The following LDLRAD4 variants were observed in gnomAD, a reference collection of about 807,000 sequenced individuals.
LDLRAD4 encodes low-density lipoprotein receptor class A domain-containing protein 4.
In LDLRAD4, 5 loss-of-function variants were observed where a neutral mutation model predicts 17.0. That is an observed-to-expected ratio of 0.29 (90% CI 0.15 to 0.62). The LOEUF (loss-of-function observed/expected upper bound fraction) is 0.62. Ranked by LOEUF, LDLRAD4 falls within the 20% of genes least tolerant of loss-of-function variation. The pLI is 0.84. For synonymous variants in LDLRAD4, 168 were observed against 171.8 expected (o/e 0.98, Z 0.17); for missense variants, 340 against 424.7 (o/e 0.80, Z 1.75).
chr18:13,300,952 C>T lies in LDLRAD4; in HGVS notation c.-383+22764C>T, dbSNP rs536225003. ...CTGTGAGGGCTGATCTTCCAGTGCC[C>T]GAGTCCCCGCTGTGAGCGCCCTGAG... On this transcript the variant is annotated intron_variant, in intron 1 of 5. Transcript: ENST00000359446. The surrounding 1 kb of genome is among the most constrained non-coding windows in gnomAD (Gnocchi z 4.2). Among the ~76,000 whole-genome samples the T allele has an allele frequency of 2.0e-5, 3 of 152,342 alleles. No homozygotes were observed. Among genetic ancestry groups the T allele is most frequent in the East Asian group, 3.9e-4 (2 of 5,160 alleles).
intron 1 of LDLRAD4, among the ~76,000 whole-genome samples, chr18:13,222,386 A>T (rs1242340591): frequency 5.3e-5 from 8 of 150,532 alleles, no homozygotes; most frequent in Admixed American, 5.3e-4. Flanking sequence ...TTTTTTAAGG[A>T]TGCTTTATTG....
At chr18:13,339,762 TTTC>T (rs1176779913) in intron 1 of LDLRAD4, among the ~76,000 whole-genome samples, 12 of 152,340 alleles carry the variant, frequency 7.9e-5, no homozygotes, top group African/African-American at 2.6e-4. Context: ...TTGTTAATGT[TTTC>T]TTCTTATTGT....
At chr18:13,274,267 C>A (rs115560604), upstream of LDLRAD4, among the ~76,000 whole-genome samples, 366 of 152,220 alleles carry the variant, frequency 2.4e-3, 2 homozygotes, top group African/African-American at 8.3e-3. Flanking sequence ...GGGAGGAGGC[C>A]TGGATGGGGC....
chr18:13,241,994 C>T (rs896127710), intron 1 of LDLRAD4: 2 of 152,378 alleles, frequency 1.3e-5, no homozygotes, highest in East Asian at 1.9e-4. Context: ...GGCCAGTGTC[C>T]GTCGGGGTGT....
At chr18:13,507,430 A>G (rs1294106506) in intron 3 of LDLRAD4, among the ~76,000 whole-genome samples, 2 of 152,296 alleles carry the variant, frequency 1.3e-5, no homozygotes, top group Middle Eastern at 3.4e-3. Context: ...TTAGTTTTTC[A>G]TTCCTGAGAT....
intron 3 of LDLRAD4, among the ~76,000 whole-genome samples, chr18:13,577,193 A>G (rs2094786736): frequency 6.6e-6 from 1 of 152,218 alleles, no homozygotes; most frequent in Non-Finnish European, 1.5e-5. Flanking sequence ...CATAATGGGA[A>G]AGTCAACTCC....
chr18:13,448,649 C>A (rs988889815), intron 3 of LDLRAD4, among the ~76,000 whole-genome samples: 1 of 150,182 alleles, frequency 6.7e-6, no homozygotes, highest in Non-Finnish European at 1.5e-5. Context: ...GATTGGGGGG[C>A]GGAGGCTGGG....
chr18:13,282,091 A>G (rs2045317651), intron 1 of LDLRAD4, among the ~76,000 whole-genome samples: 3 of 152,290 alleles, frequency 2.0e-5, no homozygotes, highest in Middle Eastern at 3.4e-3. Context: ...CTTATTCACT[A>G]TCATGAGAAT....
intron 3 of LDLRAD4, among the ~76,000 whole-genome samples, chr18:13,541,832 A>C (rs1413074500): frequency 6.8e-6 from 1 of 147,482 alleles, no homozygotes; most frequent in Non-Finnish European, 1.5e-5. Context: ...CCAGGAGGAT[A>C]GCTTAAAGCC....
intron 3 of LDLRAD4, among the ~76,000 whole-genome samples, chr18:13,524,723 T>C (rs2094003920): frequency 6.6e-6 from 1 of 152,220 alleles, no homozygotes; most frequent in Non-Finnish European, 1.5e-5. Flanking sequence ...TGGAATGAAC[T>C]GTGCGTATTT....
intron 2 of LDLRAD4, among the ~76,000 whole-genome samples, chr18:13,404,360 G>A (rs759597011): frequency 1.4e-4 from 21 of 152,182 alleles, no homozygotes; most frequent in Admixed American, 9.2e-4. Context: ...GGAGTGCCGC[G>A]ACGGTGTGGC....
intron 1 of LDLRAD4, among the ~76,000 whole-genome samples, chr18:13,377,850 T>C (rs1568071174): frequency 6.6e-6 from 1 of 152,206 alleles, no homozygotes; most frequent in Non-Finnish European, 1.5e-5. Context: ...CCTGGAAATA[T>C]CTAAGAAAAG....
At chr18:13,422,725 A>G (rs1033868547) in intron 2 of LDLRAD4, among the ~76,000 whole-genome samples, 1 of 152,120 alleles carries the variant, frequency 6.6e-6, no homozygotes, top group South Asian at 2.1e-4. Context: ...CAACACCATC[A>G]CCAAATTTAA....
intron 3 of LDLRAD4, chr18:13,465,228 T>G (rs1041219311): frequency 7.2e-5 from 11 of 152,242 alleles, no homozygotes; most frequent in African/African-American, 2.7e-4. Context: ...CAGGCACACT[T>G]AGTGGTTGCT....
chr18:13,593,786 T>C (rs1165122921), intron 3 of LDLRAD4, among the ~76,000 whole-genome samples: 1 of 152,070 alleles, frequency 6.6e-6, no homozygotes, highest in Non-Finnish European at 1.5e-5. Context: ...CTTTATTTGT[T>C]TGTTGACTTA....
chr18:13,547,642 G>C (rs1568325579), intron 3 of LDLRAD4, among the ~76,000 whole-genome samples: 1 of 152,204 alleles, frequency 6.6e-6, no homozygotes, highest in Admixed American at 6.5e-5. Context: ...GTCTGCAATG[G>C]GGTGGGCAGC....
chr18:13,507,218 C>T (rs2093708010), intron 3 of LDLRAD4, among the ~76,000 whole-genome samples: 1 of 152,076 alleles, frequency 6.6e-6, no homozygotes, highest in Non-Finnish European at 1.5e-5. Context: ...GTTTTGGTTA[C>T]ATGGATAAGT....
At chr18:13,463,246 C>T (rs992065694) in intron 3 of LDLRAD4, among the ~76,000 whole-genome samples, 1 of 152,200 alleles carries the variant, frequency 6.6e-6, no homozygotes, top group African/African-American at 2.4e-5. Context: ...AGCTGCCAGG[C>T]TCCCTCCCTG....
intron 3 of LDLRAD4, among the ~76,000 whole-genome samples, chr18:13,504,172 C>T (rs1287884476): frequency 6.6e-6 from 1 of 152,136 alleles, no homozygotes; most frequent in Non-Finnish European, 1.5e-5. Context: ...TCGCTGACCC[C>T]CATGCTACAC....
Sources: gnomAD v4.1 joint callset for allele counts (sites outside exome capture counted in the v4.1 genomes callset) on GRCh38, gnomAD v4.1.1 for gene constraint, Gnocchi (gnomAD v3.1) non-coding constraint, MANE v1.5 for transcripts, NCBI Gene and HGNC (gene_info 2026-07-23, HGNC 2026-07-21) for gene names.